ACO2: variants seen among roughly 807,000 people sequenced by gnomAD.
ACO2 encodes aconitase 2.
In ACO2, 31 loss-of-function variants were observed where a neutral mutation model predicts 84.5. The observed-to-expected ratio is 0.37, with a 90% CI of 0.28 to 0.50. The LOEUF (loss-of-function observed/expected upper bound fraction) is 0.50. Ranked by LOEUF, ACO2 falls within the 20% of genes least tolerant of loss-of-function variation. The pLI, the probability that ACO2 is intolerant of heterozygous loss-of-function variation, is 0.97. For synonymous variants in ACO2, 414 were observed against 412.7 expected (o/e 1.00, Z -0.04); for missense variants, 685 against 1,029.3 (o/e 0.67, Z 4.58).
chr22:41,514,890 T>G (rs1449671204), intron 4 of ACO2, among the ~76,000 whole-genome samples: 1 of 152,158 alleles, frequency 6.6e-6, no homozygotes, highest in East Asian at 1.9e-4. Context: ...GTTCATAGCT[T>G]TGTGTACCCA....
chr22:41,516,761 C>T (rs766751065), intron 6 of ACO2, among the ~76,000 whole-genome samples: 2 of 152,156 alleles, frequency 1.3e-5, no homozygotes, highest in African/African-American at 2.4e-5. Context: ...CTAACTCTGT[C>T]GCCCAGGCTG....
Position 41,500,380 on chromosome 22 carries a change from T to A in ACO2, c.173+518T>A, listed in dbSNP as rs559270886. On this transcript the variant is annotated intron_variant, in intron 2 of 17. Coordinates refer to ENST00000216254, the MANE Select transcript of ACO2 (RefSeq NM_001098.3). ...TATATTTATATATATAAAATAAAAA[T>A]ATATATAAATATATATATATTTGAG... 9.5e-5 allele frequency among the ~76,000 whole-genome samples: 14 copies of A among 147,902 alleles called. No individual in the cohort carries two copies. The East Asian group carries it at 1.4e-3, about 14-fold the overall frequency.
rs111902657 is a variant in ACO2 at position 41,473,897 on chromosome 22, C to T, written c.36+4715C>T. On this transcript the variant is annotated intron_variant, in intron 1 of 17. Coordinates refer to ENST00000216254, the MANE Select transcript of ACO2 (RefSeq NM_001098.3). The stretch of plus-strand genomic sequence containing the variant: ...AGTGTTGCTACAGTGTCCTGAGGAG[C>T]GAAAGGTCTGAACAAGAGGCTGGGG... Among the ~76,000 whole-genome samples, 650 of 152,162 alleles carry T rather than the reference C, an allele frequency of 4.3e-3. 6 individuals are homozygous for T. Among genetic ancestry groups the T allele is most frequent in the Middle Eastern group, 0.034 (10 of 294 alleles).
chr22:41,480,116 A>G (rs2038070081), intron 1 of ACO2, among the ~76,000 whole-genome samples: 1 of 152,208 alleles, frequency 6.6e-6, no homozygotes, highest in Non-Finnish European at 1.5e-5. Flanking sequence ...ATCGCCTACC[A>G]GGAGGGGGAG....
At chr22:41,487,885 A>G (rs925655457) in intron 1 of ACO2, among the ~76,000 whole-genome samples, 2 of 152,088 alleles carry the variant, frequency 1.3e-5, no homozygotes, top group Admixed American at 1.3e-4. Context: ...CCAGTTACTT[A>G]GGTCCAAAAC....
chr22:41,471,107 A>G (rs576100312), intron 1 of ACO2, among the ~76,000 whole-genome samples: 1 of 118,728 alleles, frequency 8.4e-6, no homozygotes, highest in Non-Finnish European at 1.9e-5. Context: ...TCCATTGTCC[A>G]TTGGAGATGA....
intron 1 of ACO2, among the ~76,000 whole-genome samples, chr22:41,497,856 C>G (rs2066326110): frequency 6.6e-6 from 1 of 150,692 alleles, no homozygotes; most frequent in Admixed American, 6.6e-5. Context: ...GCACTTCAAC[C>G]TGGGCAACAG....
At chr22:41,472,118 G>T (rs2037952762) in intron 1 of ACO2, among the ~76,000 whole-genome samples, 1 of 152,150 alleles carries the variant, frequency 6.6e-6, no homozygotes, top group African/African-American at 2.4e-5. Flanking sequence ...ACTTTGGGAG[G>T]CCAAGGCAGG....
rs373973502 is a variant in ACO2 at position 41,507,886 on chromosome 22, G to A, written c.269G>A (p.Arg90Gln). 14 of 1,614,242 alleles carry A rather than the reference G, an allele frequency of 8.7e-6. No homozygotes were observed. The highest frequency in any genetic ancestry group is 1.6e-4 in the Middle Eastern group (1 of 6,062). ...QEIERGKSYL[R>Q]LRPDRVAMQD... ...ATTGAGCGAGGCAAGTCGTACCTGC[G>A]GCTGCGGCCGGACCGTGTGGCCATG... Residue 90 changes from arginine (R) to glutamine (Q), a missense_variant, in exon 3 of 18, where the codon CGG becomes CAG. By Grantham distance (43) the Arg-to-Gln change is conservative. This residue lies in a region of ACO2 where 92 missense variants were observed against 203.7 expected (regional missense o/e 0.45). Transcript: ENST00000216254.
At chr22:41,523,125 C>G in intron 10 of ACO2, 80 bp from the exon 11 acceptor site, 1 of 1,531,974 alleles carries the variant, frequency 6.5e-7, no homozygotes, top group Non-Finnish European at 8.9e-7. Flanking sequence ...TACAGCACTT[C>G]GTCCTGCAGC....
chr22:41,476,224 A>G (rs1056040061), intron 1 of ACO2, among the ~76,000 whole-genome samples: 3 of 151,914 alleles, frequency 2.0e-5, no homozygotes, highest in African/African-American at 7.3e-5. Context: ...CCTGACCAAC[A>G]TGGTGAAACC....
At position 41,515,756 on chromosome 22, in the gene ACO2, CT is replaced by C. The variant is rs1298999184; in HGVS notation, c.685-10del. On this transcript the variant is annotated splice_polypyrimidine_tract_variant and intron_variant, in intron 5 of 17. Coordinates refer to ENST00000216254, the MANE Select transcript of ACO2 (RefSeq NM_001098.3). The surrounding 1 kb of genome is among the most constrained non-coding windows in gnomAD (Gnocchi z 5.8). ...CGGCCTCTCACAGCCGCCTCGCCCC[CT>C]CCTGTCCAGGTGATTGGCGTGAAGC... is the stretch of plus-strand genomic sequence containing the variant. 7 of 1,613,072 alleles carry C rather than the reference CT, an allele frequency of 4.3e-6. No homozygotes were observed. Among genetic ancestry groups the C allele is most frequent in the Admixed American group, 1.7e-5 (1 of 60,032 alleles).
chr22:41,471,116 G>A (rs2037941503), intron 1 of ACO2, among the ~76,000 whole-genome samples: 1 of 151,888 alleles, frequency 6.6e-6, no homozygotes, highest in South Asian at 2.1e-4. Flanking sequence ...CATTGGAGAT[G>A]ATCTTCATTG....
At chr22:41,478,866 G>A (rs999260535) in intron 1 of ACO2, among the ~76,000 whole-genome samples, 1 of 151,688 alleles carries the variant, frequency 6.6e-6, no homozygotes, top group Non-Finnish European at 1.5e-5. Context: ...TGCCTCTGGG[G>A]CTCAAGCAAT....
At position 41,506,250 on chromosome 22, in the gene ACO2, G is replaced by T. The variant is rs370318014; in HGVS notation, c.174-1541G>T. Among the ~76,000 whole-genome samples, 49 of 151,686 alleles carry T rather than the reference G, an allele frequency of 3.2e-4. 2 individuals are homozygous for T. The South Asian group carries it at 9.6e-3, about 30-fold the overall frequency. ...CTACAGGCACGCATCACCCTGTCTG[G>T]CTCATTCTTTTTTTTTTTTTGAGAT... On this transcript the variant is annotated intron_variant, in intron 2 of 17. Coordinates refer to ENST00000216254, the MANE Select transcript of ACO2 (RefSeq NM_001098.3).
intron 1 of ACO2, among the ~76,000 whole-genome samples, chr22:41,492,947 A>AAAAAG (rs926606252): frequency 1.7e-4 from 26 of 152,314 alleles, no homozygotes; most frequent in African/African-American, 4.3e-4. Flanking sequence ...TCCGTCTCAA[A>AAAAAG]AAAAGAAAAG....
rs1416590185 is a variant in ACO2 at position 41,472,466 on chromosome 22, T to G, written c.36+3284T>G. Among the ~76,000 whole-genome samples, 3 of 152,274 alleles carry G rather than the reference T, an allele frequency of 2.0e-5. No homozygotes were observed. In the East Asian group the frequency reaches 5.8e-4, roughly 29 times the overall value. ...GAGGGCTTAGCAACTGGCACTATGCTGCTTCCCTTTGGCATCGAGCTCAGC... is the reference window on the plus strand; with the variant it reads ...GAGGGCTTAGCAACTGGCACTATGCGGCTTCCCTTTGGCATCGAGCTCAGC... On this transcript the variant is annotated intron_variant, in intron 1 of 17. Transcript: ENST00000216254.
At chr22:41,498,660 T>C (rs563271924) in intron 1 of ACO2, among the ~76,000 whole-genome samples, 2 of 152,340 alleles carry the variant, frequency 1.3e-5, no homozygotes, top group East Asian at 1.9e-4. Context: ...CTTAACAATA[T>C]GGGGACTGTC....
At chr22:41,525,716 A>C in intron 14 of ACO2, 1 of 266,970 alleles carries the variant, frequency 3.7e-6, no homozygotes, top group Non-Finnish European at 7.2e-6. Flanking sequence ...CAGGCTCTGG[A>C]AGCCATGGAC....
Sources: gnomAD v4.1 joint callset for allele counts (sites outside exome capture counted in the v4.1 genomes callset) on GRCh38, gnomAD v4.1.1 for gene constraint, gnomAD v4.1.1 regional missense constraint, Gnocchi (gnomAD v3.1) non-coding constraint, MANE v1.5 for transcripts, NCBI Gene and HGNC (gene_info 2026-07-23, HGNC 2026-07-21) for gene names.